DAPK1: variants seen among roughly 807,000 people sequenced by gnomAD.
The protein encoded by DAPK1 is death associated protein kinase 1, also known as death-associated protein kinase 1.
In DAPK1, 56 loss-of-function variants were observed where a neutral mutation model predicts 144.9. The ratio of observed to expected loss-of-function variants is 0.39; its 90% CI spans 0.31 to 0.48. The LOEUF (loss-of-function observed/expected upper bound fraction) is 0.48, where lower values mean the gene tolerates loss of function less well. Among genes scored for constraint, DAPK1 ranks in the 20% least tolerant of loss-of-function variants. DAPK1 has a pLI of 0.95. For missense variants in DAPK1, 1,454 were observed against 1,875.4 expected (o/e 0.78, Z 4.15); for synonymous variants, 690 against 749.0 (o/e 0.92, Z 1.29).
At chr9:87,553,225 T>C (rs1826562846) in intron 2 of DAPK1, among the ~76,000 whole-genome samples, 1 of 150,592 alleles carries the variant, frequency 6.6e-6, no homozygotes, top group African/African-American at 2.4e-5. Context: ...TTTTTTTCCT[T>C]GACTTGTGTC....
At chr9:87,659,413 G>A (rs1830751283) in intron 18 of DAPK1, among the ~76,000 whole-genome samples, 1 of 152,154 alleles carries the variant, frequency 6.6e-6, no homozygotes, top group South Asian at 2.1e-4. Flanking sequence ...CCATGCTTGG[G>A]CACAGGTTCC....
chr9:87,523,899 A>C (rs1036658014), intron 2 of DAPK1, among the ~76,000 whole-genome samples: 1 of 152,168 alleles, frequency 6.6e-6, no homozygotes, highest in African/African-American at 2.4e-5. Flanking sequence ...TTCAGAAATG[A>C]AGCTTGAGCT....
chr9:87,668,412 T>A (rs978104182), intron 18 of DAPK1, 185 bp from the exon 19 acceptor site: 2 of 616,582 alleles, frequency 3.2e-6, no homozygotes, highest in South Asian at 3.7e-5. Context: ...CTTCCTGTCC[T>A]GGACAATCAA....
chr9:87,640,197 C>T, intron 7 of DAPK1, 101 bp from the exon 8 acceptor site: 7 of 1,180,636 alleles, frequency 5.9e-6, no homozygotes, highest in Non-Finnish European at 8.4e-6. Context: ...TATTCGAGCA[C>T]CAGATTATAA....
chr9:87,515,470 C>T (rs1355222306), intron 2 of DAPK1, among the ~76,000 whole-genome samples: 1 of 152,004 alleles, frequency 6.6e-6, no homozygotes, highest in African/African-American at 2.4e-5. Flanking sequence ...GCTCTGAAGC[C>T]CATGAAAACA....
At chr9:87,605,245 G>A in intron 3 of DAPK1, 70 bp downstream of exon 3, 1 of 1,307,212 alleles carries the variant, frequency 7.6e-7, no homozygotes, top group South Asian at 1.2e-5. Flanking sequence ...GTTCCAGCTG[G>A]ACCACGCCAC....
chr9:87,669,874 T>C (rs1831197294), intron 19 of DAPK1, among the ~76,000 whole-genome samples: 2 of 152,112 alleles, frequency 1.3e-5, no homozygotes, highest in African/African-American at 2.4e-5. Flanking sequence ...CTGGCAGGGG[T>C]AAAATCATGG....
chr9:87,611,558 G>A (rs1342421409), intron 3 of DAPK1, among the ~76,000 whole-genome samples: 5 of 152,236 alleles, frequency 3.3e-5, no homozygotes, highest in South Asian at 2.1e-4. Flanking sequence ...TCCCGGGCTC[G>A]AGTGATTCTC....
intron 2 of DAPK1, among the ~76,000 whole-genome samples, chr9:87,537,208 G>A (rs944663486): frequency 1.3e-5 from 2 of 152,054 alleles, no homozygotes; most frequent in Non-Finnish European, 2.9e-5. Flanking sequence ...GGCTTGTCTC[G>A]AACTCCTGCC....
At chr9:87,679,357 C>T (rs1182441892) in intron 19 of DAPK1, among the ~76,000 whole-genome samples, 5 of 151,948 alleles carry the variant, frequency 3.3e-5, no homozygotes, top group Non-Finnish European at 5.9e-5. Context: ...CAGAGGGGGT[C>T]CTCCTGGGTA....
chr9:87,635,597 T>C (rs905756087), intron 3 of DAPK1, among the ~76,000 whole-genome samples: 2 of 152,086 alleles, frequency 1.3e-5, no homozygotes, highest in Non-Finnish European at 2.9e-5. Context: ...TAGGAAGCAG[T>C]GGTATGCTAC....
intron 1 of DAPK1, 114 bp from the exon 2 acceptor site, chr9:87,498,856 G>A (rs1007745714): frequency 3.8e-6 from 2 of 520,020 alleles, no homozygotes; most frequent in Non-Finnish European, 7.0e-6. Flanking sequence ...CCGCGAGGAG[G>A]GGCAGCTCCG....
chr9:87,655,434 G>A (rs867614947), intron 17 of DAPK1, among the ~76,000 whole-genome samples: 4 of 152,038 alleles, frequency 2.6e-5, no homozygotes, highest in Non-Finnish European at 4.4e-5. Flanking sequence ...AGAAGGCATC[G>A]CTTCCTACCA....
At chr9:87,665,637 C>T (rs1172429212) in intron 18 of DAPK1, among the ~76,000 whole-genome samples, 1 of 152,342 alleles carries the variant, frequency 6.6e-6, no homozygotes, top group South Asian at 2.1e-4. Context: ...CGTCAATAAG[C>T]AGCATGTCTG....
At chr9:87,698,351 A>C (rs528790067) in intron 22 of DAPK1, 1 of 265,366 alleles carries the variant, frequency 3.8e-6, no homozygotes, top group Admixed American at 4.9e-5. Context: ...TCACAGGTTA[A>C]ATTTTCCCTC....
intron 18 of DAPK1, among the ~76,000 whole-genome samples, chr9:87,661,401 A>G (rs1018379143): frequency 3.3e-5 from 5 of 152,150 alleles, no homozygotes; most frequent in African/African-American, 4.8e-5. Flanking sequence ...TAATTTCTCT[A>G]TGTTTTCCAT....
chr9:87,588,204 G>A (rs1389331634), intron 2 of DAPK1, among the ~76,000 whole-genome samples: 1 of 152,214 alleles, frequency 6.6e-6, no homozygotes, highest in African/African-American at 2.4e-5. Context: ...TTTATGCTAA[G>A]TTTTAGTTTT....
chr9:87,586,597 C>T (rs1827948958), intron 2 of DAPK1, among the ~76,000 whole-genome samples: 2 of 151,862 alleles, frequency 1.3e-5, no homozygotes, highest in South Asian at 4.1e-4. Flanking sequence ...TAATGTATAT[C>T]AAGTCAACTT....
At position 87,697,187 on chromosome 9, in the gene DAPK1, C is replaced by T; in HGVS notation, c.2594C>T (p.Pro865Leu). 6.4e-7 allele frequency: 1 copy of T among 1,551,420 alleles called. No individual in the cohort carries two copies. Among genetic ancestry groups the T allele is most frequent in the Non-Finnish European group, 8.9e-7 (1 of 1,122,836 alleles). ...CTCAGTTTCCTGAAGTCCCTTGTCC[C>T]AGTTGAAGAACCCATAGGTGAGCTA... ...FWLSFLKSLV[P>L]VEEPIAFGGK... The change falls in exon 22 of 26, where the codon CCA becomes CTA. Residue 865 changes from proline (P) to leucine (L), a missense_variant. Transcript: ENST00000408954.
Sources: gnomAD v4.1 joint callset for allele counts (sites outside exome capture counted in the v4.1 genomes callset) on GRCh38, gnomAD v4.1.1 for gene constraint, MANE v1.5 for transcripts, NCBI Gene and HGNC (gene_info 2026-07-23, HGNC 2026-07-21) for gene names.